ABCA4: variants seen among roughly 807,000 people sequenced by gnomAD.
The protein encoded by ABCA4 is retinal-specific phospholipid-transporting ATPase ABCA4.
Under a neutral mutation model 263.7 loss-of-function variants are expected in ABCA4, and 196 were observed. The ratio of observed to expected loss-of-function variants is 0.74; its 90% confidence interval spans 0.66 to 0.84. The LOEUF (loss-of-function observed/expected upper bound fraction) is 0.84, where lower values mean the gene tolerates loss of function less well. Ranked by LOEUF, ABCA4 falls within the 40% of genes least tolerant of loss-of-function variation. The pLI is 0.00. For missense variants in ABCA4, 2,792 were observed against 2,855.1 expected (o/e 0.98, Z 0.50); for synonymous variants, 1,133 against 1,094.2 (o/e 1.04, Z -0.70).
chr1:93,993,976 C>A (rs756474279), intron 49 of ABCA4, among the ~76,000 whole-genome samples: 2 of 152,130 alleles, frequency 1.3e-5, no homozygotes, highest in South Asian at 4.1e-4. Context: ...ATCACACATC[C>A]TCTTAAGAGG....
At chr1:93,994,851 C>CA (rs1658954651) in intron 49 of ABCA4, among the ~76,000 whole-genome samples, 1 of 152,166 alleles carries the variant, frequency 6.6e-6, no homozygotes, top group South Asian at 2.1e-4. Flanking sequence ...CTGCCTGGCC[C>CA]AGAGGTGATG....
rs192903922 is a variant in ABCA4 at position 94,109,376 on chromosome 1, G to A, written c.303-660C>T. 2.6e-5 allele frequency among the ~76,000 whole-genome samples: 4 copies of A among 152,250 alleles called. No individual in the cohort carries two copies. In the East Asian group the frequency reaches 7.7e-4, roughly 29 times the overall value. On this transcript the variant is annotated intron_variant, in intron 3 of 49. Transcript: ENST00000370225. Reference sequence around the variant, plus strand: ...GAGACCTGCCCTTCCACCCATTCACGCAGGTAGGCTCTGACAGCCATGCTT... The same window carrying A: ...GAGACCTGCCCTTCCACCCATTCACACAGGTAGGCTCTGACAGCCATGCTT...
chr1:94,076,859 G>A (rs1268982794), intron 11 of ABCA4, among the ~76,000 whole-genome samples: 1 of 152,208 alleles, frequency 6.6e-6, no homozygotes, highest in Non-Finnish European at 1.5e-5. Flanking sequence ...AAGAGGCAGA[G>A]TTGAGAGATA....
Position 94,000,986 on chromosome 1 carries a change from C to T in ABCA4, c.6386+16G>A. The T allele has an allele frequency of 6.2e-7, 1 of 1,614,100 alleles. No individual in the cohort carries two copies. Among genetic ancestry groups the T allele is most frequent in the Non-Finnish European group, 8.5e-7 (1 of 1,179,954 alleles). The stretch of plus-strand genomic sequence containing the variant: ...AGGATTCCCACCCACCTTCCCCAGC[C>T]CTGGGAATCTCTTGCCTGTGGGATG... On this transcript the variant is annotated intron_variant, in intron 46 of 49. Coordinates refer to ENST00000370225, the MANE Select transcript of ABCA4 (RefSeq NM_000350.3).
chr1:94,056,739 G>A lies in ABCA4; in HGVS notation c.2244C>T (p.Cys748=), dbSNP rs1366054555. Residue 748 remains cysteine, a synonymous_variant, in exon 15 of 50, where the codon TGC becomes TGT. Coordinates refer to ENST00000370225, the MANE Select transcript of ABCA4 (RefSeq NM_000350.3). ...LAFSTATIML[C]FLLSTFFSKA... is the part of the protein sequence containing the mutation. ...TGGAGAAGAAGGTGCTGAGCAGAAA[G>A]CACAGCATGATGGTGGCAGTGGAGA... The A allele has an allele frequency of 1.9e-6, 3 of 1,613,878 alleles. No homozygotes were observed. In the East Asian group the frequency reaches 6.7e-5, roughly 36 times the overall value.
intron 13 of ABCA4, among the ~76,000 whole-genome samples, chr1:94,061,068 A>G (rs906253183): frequency 1.3e-5 from 2 of 152,218 alleles, no homozygotes; most frequent in African/African-American, 2.4e-5. Context: ...CCTTGCAAGG[A>G]AAAAACTGCA....
chr1:94,099,907 G>A (rs372145976), intron 5 of ABCA4, among the ~76,000 whole-genome samples: 1 of 152,282 alleles, frequency 6.6e-6, no homozygotes, highest in African/African-American at 2.4e-5. Context: ...GCCTCTCGAG[G>A]ATCAGGTGGC....
rs1360552045 is a variant in ABCA4, at chr1:94,097,978, C to G, written c.768+816G>C. On this transcript the variant is annotated intron_variant, in intron 6 of 49. Coordinates refer to ENST00000370225, the MANE Select transcript of ABCA4 (RefSeq NM_000350.3). ...TTCACCGTGTTAGCCAGGATGGTCTCTATCTCCTGACCTCATGATCCGCCC... is the reference window on the plus strand; with the variant it reads ...TTCACCGTGTTAGCCAGGATGGTCTGTATCTCCTGACCTCATGATCCGCCC... Among the ~76,000 whole-genome samples, 7 of 152,278 alleles carry G rather than the reference C, an allele frequency of 4.6e-5. No homozygotes were observed. The South Asian group carries it at 1.2e-3, about 27-fold the overall frequency.
intron 36 of ABCA4, chr1:94,018,587 A>C (rs950913640): frequency 1.8e-5 from 8 of 455,998 alleles, no homozygotes; most frequent in Admixed American, 7.1e-5. Context: ...CATTTTAAAA[A>C]ACCATGGATG....
chr1:94,089,550 G>A (rs142570762), intron 6 of ABCA4, among the ~76,000 whole-genome samples: 3,197 of 149,546 alleles, frequency 0.021, 42 homozygotes, highest in Middle Eastern at 0.078. Context: ...TCACTGCTCC[G>A]CCTCCCGGGT....
At position 94,121,088 on chromosome 1, in the gene ABCA4, C is replaced by T; in HGVS notation, c.-43G>A. The T allele has an allele frequency of 6.3e-7, 1 of 1,591,068 alleles. No individual in the cohort carries two copies. Among genetic ancestry groups the T allele is most frequent in the Non-Finnish European group, 8.6e-7 (1 of 1,158,996 alleles). On this transcript the variant is annotated 5_prime_UTR_variant, in exon 1 of 50. Coordinates refer to ENST00000370225, the MANE Select transcript of ABCA4 (RefSeq NM_000350.3). ...GACCAGATTGGTCAGAGCTGAGGCC[C>T]CTCAGACAGCAAAGGACATAAACGC...
chr1:94,011,050 G>T (rs528116548), intron 39 of ABCA4, 121 bp from the exon 40 acceptor site: 5 of 1,570,468 alleles, frequency 3.2e-6, no homozygotes, highest in Non-Finnish European at 4.3e-6. Flanking sequence ...CCAAACACCC[G>T]CCTCATAAGG....
chr1:94,021,119 G>T, intron 35 of ABCA4, 121 bp downstream of exon 35: 1 of 1,382,420 alleles, frequency 7.2e-7, no homozygotes, highest in Non-Finnish European at 1.0e-6. Context: ...GTTCATATGT[G>T]CCTGACTAAA....
chr1:94,027,952 C>A (rs375350383), intron 30 of ABCA4, among the ~76,000 whole-genome samples: 14 of 152,324 alleles, frequency 9.2e-5, no homozygotes, highest in African/African-American at 3.1e-4. Flanking sequence ...CCCACGTAGA[C>A]TTTTAGATGA....
chr1:94,108,242 T>C (rs4847279), intron 4 of ABCA4, among the ~76,000 whole-genome samples: 150,980 of 152,308 alleles, frequency 0.99, 74,843 homozygotes, highest in Middle Eastern at 1. Flanking sequence ...AGAGTTGCTC[T>C]ATATCTTTAC....
intron 4 of ABCA4, among the ~76,000 whole-genome samples, chr1:94,105,311 A>G (rs556739328): frequency 6.6e-6 from 1 of 152,212 alleles, no homozygotes; most frequent in Non-Finnish European, 1.5e-5. Flanking sequence ...CTGACCTTAC[A>G]TACAAATATC....
At position 94,037,229 on chromosome 1, in the gene ABCA4, A is replaced by G. The variant is rs1570367230; in HGVS notation, c.3729T>C (p.Tyr1243=). The change falls in exon 25 of 50, where the codon TAT becomes TAC. Residue 1243 remains tyrosine, a synonymous_variant. Coordinates refer to ENST00000370225, the MANE Select transcript of ABCA4 (RefSeq NM_000350.3). ...LPNKNFKHRA[Y]ASLFRELEET... is the part of the protein sequence containing the mutation. Reference sequence around the variant, plus strand: ...CCTCCAGCTCTCTGAAAAGGCTGGCATATGCTCTGTGCTTGAAGTTCTTAT... The same window carrying G: ...CCTCCAGCTCTCTGAAAAGGCTGGCGTATGCTCTGTGCTTGAAGTTCTTAT... 1.2e-6 allele frequency: 2 copies of G among 1,614,244 alleles called. No homozygotes were observed. Among genetic ancestry groups the G allele is most frequent in the Non-Finnish European group, 1.7e-6 (2 of 1,180,046 alleles).
At chr1:94,023,484 C>A in intron 31 of ABCA4, 66 bp from the exon 32 acceptor site, 2 of 1,348,078 alleles carry the variant, frequency 1.5e-6, no homozygotes, top group East Asian at 2.4e-5. Flanking sequence ...ACTTTCTTTC[C>A]CAAACATTCA....
At chr1:94,062,787 G>C (rs776799233) in intron 12 of ABCA4, 34 bp from the exon 13 acceptor site, 4 of 1,607,798 alleles carry the variant, frequency 2.5e-6, no homozygotes, top group African/African-American at 1.3e-5. Context: ...GGATGGGAAC[G>C]GGCTTGGATA....
Sources: allele counts gnomAD v4.1 joint callset (sites outside exome capture counted in the v4.1 genomes callset), GRCh38; gene constraint gnomAD v4.1.1; transcripts MANE v1.5; gene names NCBI Gene and HGNC (gene_info 2026-07-23, HGNC 2026-07-21).